The following TMC7 variants were observed in gnomAD, a reference collection of about 807,000 sequenced individuals.
TMC7 encodes the protein transmembrane channel-like protein 7.
In TMC7, 54 loss-of-function variants were observed where a neutral mutation model predicts 82.9. The observed-to-expected ratio is 0.65, with a 90% CI of 0.52 to 0.82. The LOEUF (loss-of-function observed/expected upper bound fraction) is 0.82, where lower values mean the gene tolerates loss of function less well. TMC7 is among the 40% of genes least tolerant of loss of function. The pLI, the probability that TMC7 is intolerant of heterozygous loss-of-function variation, is 0.00. For synonymous variants in TMC7, 350 were observed against 337.9 expected (o/e 1.04, Z -0.39); for missense variants, 820 against 901.2 (o/e 0.91, Z 1.15).
At chr16:19,006,948 C>T (rs1332940650) in intron 1 of TMC7, among the ~76,000 whole-genome samples, 2 of 151,948 alleles carry the variant, frequency 1.3e-5, no homozygotes, top group Non-Finnish European at 1.5e-5. Context: ...TCCTGAGTAG[C>T]TGGGATTATA....
At chr16:18,991,261 A>G (rs1326881589) in intron 1 of TMC7, among the ~76,000 whole-genome samples, 2 of 152,220 alleles carry the variant, frequency 1.3e-5, no homozygotes, top group African/African-American at 4.8e-5. Flanking sequence ...GAAACTAAAC[A>G]GAAGACGCAA....
intron 5 of TMC7, among the ~76,000 whole-genome samples, chr16:19,023,745 C>T (rs1288325802): frequency 6.6e-6 from 1 of 152,228 alleles, no homozygotes; most frequent in Non-Finnish European, 1.5e-5. Context: ...CCATACCGGC[C>T]TCTAGTCCTT....
chr16:19,052,183 T>C (rs11074356), intron 13 of TMC7, among the ~76,000 whole-genome samples: 137,834 of 152,082 alleles, frequency 0.91, 63,206 homozygotes, highest in Non-Finnish European at 0.97. Flanking sequence ...CCGCCCGCCT[T>C]GGCCTCCCAA....
rs1961547326 is a variant in TMC7 at position 19,051,677 on chromosome 16, T to C, written c.1741-9T>C. 1.9e-6 allele frequency: 3 copies of C among 1,612,492 alleles called. No individual in the cohort carries two copies. The highest frequency in any genetic ancestry group is 2.5e-6 in the Non-Finnish European group (3 of 1,179,024). Reference sequence around the variant, plus strand: ...TGATCTTAATTTTTCTTTCTTTTTCTCCTTGTAGTGGAGTCTGCTTTACAC... The same window carrying C: ...TGATCTTAATTTTTCTTTCTTTTTCCCCTTGTAGTGGAGTCTGCTTTACAC... On this transcript the variant is annotated splice_polypyrimidine_tract_variant and intron_variant, in intron 12 of 15. Coordinates refer to ENST00000304381, the MANE Select transcript of TMC7 (RefSeq NM_024847.4).
intron 2 of TMC7, among the ~76,000 whole-genome samples, chr16:19,010,057 TTTC>T (rs1168582018): frequency 2.8e-4 from 39 of 138,674 alleles, no homozygotes; most frequent in East Asian, 7.5e-4. Context: ...TTTTTCTTTC[TTTC>T]TTCTTCTTCC....
chr16:19,043,760 C>T (rs867873517), intron 9 of TMC7, among the ~76,000 whole-genome samples: 14 of 151,866 alleles, frequency 9.2e-5, no homozygotes, highest in Admixed American at 2.0e-4. Flanking sequence ...GTAGTGGAGA[C>T]GGGGTTTCTC....
At chr16:18,999,525 G>A (rs1288024913) in intron 1 of TMC7, among the ~76,000 whole-genome samples, 1 of 152,234 alleles carries the variant, frequency 6.6e-6, no homozygotes, top group Non-Finnish European at 1.5e-5. Flanking sequence ...CGTAAAAGCA[G>A]GGAAATGGTG....
chr16:18,992,489 G>A (rs1014491862), intron 1 of TMC7, among the ~76,000 whole-genome samples: 5 of 152,006 alleles, frequency 3.3e-5, no homozygotes, highest in Admixed American at 1.3e-4. Context: ...TGTAGATTCC[G>A]GATATTAGCC....
Position 18,983,995 on chromosome 16 carries a change from G to T in TMC7, c.-69G>T, listed in dbSNP as rs923344060. The T allele has an allele frequency of 1.5e-6, 2 of 1,348,938 alleles. No homozygotes were observed. Among genetic ancestry groups the T allele is most frequent in the African/African-American group, 1.7e-5 (1 of 60,462 alleles). 83.6% of individuals were successfully genotyped at this position (1,348,938 alleles called of 1,614,324 possible). A position where few individuals can be genotyped will look rare whatever the true frequency, so the allele number is the denominator to read the frequency against. ...ATCCCGGCTCCGCGAGGGAAGGCCG[G>T]GGAGGCGGCGGCGGCGGCGGCGGCT... On this transcript the variant is annotated 5_prime_UTR_variant, in exon 1 of 16. Transcript: ENST00000304381.
intron 1 of TMC7, among the ~76,000 whole-genome samples, chr16:19,007,145 C>T (rs972905748): frequency 1.1e-4 from 17 of 152,142 alleles, no homozygotes; most frequent in African/African-American, 3.1e-4. Context: ...TTTGAAGACA[C>T]GAGCCTGGGG....
chr16:18,986,267 C>T (rs2038846391), intron 1 of TMC7, among the ~76,000 whole-genome samples: 1 of 151,690 alleles, frequency 6.6e-6, no homozygotes, highest in African/African-American at 2.4e-5. Flanking sequence ...TGGTGGCATG[C>T]ACCTGTAGTC....
At chr16:19,055,493 G>C (rs559300058) in intron 13 of TMC7, among the ~76,000 whole-genome samples, 1 of 152,270 alleles carries the variant, frequency 6.6e-6, no homozygotes, top group Non-Finnish European at 1.5e-5. Context: ...GAGTAGCTGG[G>C]ATTGCAGGCG....
chr16:19,047,361 C>A, intron 12 of TMC7, 112 bp downstream of exon 12: 1 of 894,842 alleles, frequency 1.1e-6, no homozygotes, highest in Non-Finnish European at 1.7e-6. Context: ...AAAATTACAT[C>A]CTTTATTTAA....
intron 5 of TMC7, among the ~76,000 whole-genome samples, chr16:19,027,196 A>C (rs771756905): frequency 2.0e-5 from 3 of 147,970 alleles, no homozygotes; most frequent in Non-Finnish European, 3.0e-5. Context: ...CAGCCTCCCA[A>C]GTAGCTGGAT....
chr16:18,992,646 G>T (rs1402102119), intron 1 of TMC7, among the ~76,000 whole-genome samples: 2 of 152,072 alleles, frequency 1.3e-5, no homozygotes, highest in African/African-American at 4.8e-5. Context: ...CATTGCTTTT[G>T]GTGTTTTAGA....
intron 1 of TMC7, among the ~76,000 whole-genome samples, chr16:18,993,347 G>A (rs2038984347): frequency 6.6e-6 from 1 of 152,168 alleles, no homozygotes; most frequent in Non-Finnish European, 1.5e-5. Context: ...TGGGCTAACA[G>A]CTTGTAACCT....
chr16:19,005,450 A>G (rs748942324), intron 1 of TMC7, among the ~76,000 whole-genome samples: 1 of 152,148 alleles, frequency 6.6e-6, no homozygotes, highest in Non-Finnish European at 1.5e-5. Flanking sequence ...AATCTTAGCC[A>G]GTGTTGTTCA....
At chr16:19,006,616 A>AG (rs2039245023) in intron 1 of TMC7, among the ~76,000 whole-genome samples, 1 of 152,050 alleles carries the variant, frequency 6.6e-6, no homozygotes, top group East Asian at 1.9e-4. Flanking sequence ...CTAAATACCT[A>AG]TTGTTGCTCA....
At chr16:19,058,852 C>T (rs377436147) in intron 14 of TMC7, among the ~76,000 whole-genome samples, 18 of 151,980 alleles carry the variant, frequency 1.2e-4, no homozygotes, top group Admixed American at 2.6e-4. Context: ...TACAGGCTCA[C>T]GCCACCATGT....
Sources: gnomAD v4.1 joint callset for allele counts (sites outside exome capture counted in the v4.1 genomes callset) on GRCh38, gnomAD v4.1.1 for gene constraint, MANE v1.5 for transcripts, NCBI Gene and HGNC (gene_info 2026-07-23, HGNC 2026-07-21) for gene names.